Variants in MAPKAP1 observed in about 807,000 individuals in gnomAD.
The protein encoded by MAPKAP1 is MAPK associated protein 1.
Under a neutral mutation model 65.7 loss-of-function variants are expected in MAPKAP1, and 20 were observed. That is an observed-to-expected ratio of 0.30 (90% confidence interval 0.21 to 0.44). The LOEUF is 0.44. MAPKAP1 is among the 20% of genes least tolerant of loss of function. MAPKAP1 has a pLI of 1.00. For missense variants in MAPKAP1, 423 were observed against 648.0 expected, an observed-to-expected ratio of 0.65 and a Z score of 3.77; for synonymous variants, 222 against 244.3, an observed-to-expected ratio of 0.91 and a Z score of 0.85.
intron 7 of MAPKAP1, among the ~76,000 whole-genome samples, chr9:125,520,176 A>G (rs190689429): frequency 6.6e-6 from 1 of 152,316 alleles, no homozygotes; most frequent in East Asian, 1.9e-4. Context: ...ATGGGCATCT[A>G]TATCTTAGAG....
Position 125,468,125 on chromosome 9 carries a change from A to G in MAPKAP1, c.1208-16T>C, listed in dbSNP as rs779081129. Reference sequence around the variant, plus strand: ...CCAGAGATACCTGTAAGCCAAGGTGAGGACACAAAAGAAAACACAAGAAGT... The same window carrying G: ...CCAGAGATACCTGTAAGCCAAGGTGGGGACACAAAAGAAAACACAAGAAGT... On this transcript the variant is annotated splice_polypyrimidine_tract_variant and intron_variant, in intron 9 of 11. Coordinates refer to ENST00000265960, the MANE Select transcript of MAPKAP1 (RefSeq NM_001006617.3). The G allele has an allele frequency of 1.2e-6, 2 of 1,611,492 alleles. No individual in the cohort carries two copies. The highest frequency in any genetic ancestry group is 2.2e-5 in the South Asian group (2 of 90,936).
chr9:125,451,023 A>C (rs1852927093), intron 10 of MAPKAP1: 1 of 151,998 alleles, frequency 6.6e-6, no homozygotes, highest in African/African-American at 2.4e-5. Flanking sequence ...GACCTCTTTG[A>C]CCTCTAGAGC....
chr9:125,549,464 T>C (rs1326855297), intron 6 of MAPKAP1, among the ~76,000 whole-genome samples: 1 of 152,262 alleles, frequency 6.6e-6, no homozygotes, highest in Non-Finnish European at 1.5e-5. Flanking sequence ...ACTTTATCCA[T>C]AAAGAGTTTA....
intron 6 of MAPKAP1, 161 bp downstream of exon 6, chr9:125,559,471 AT>A: frequency 1.6e-6 from 1 of 618,004 alleles, no homozygotes; most frequent in Non-Finnish European, 2.8e-6. Context: ...ATGAAATACA[AT>A]GCGAATGTCG....
chr9:125,645,644 G>T (rs1467431405), intron 4 of MAPKAP1, among the ~76,000 whole-genome samples: 1 of 147,616 alleles, frequency 6.8e-6, no homozygotes, highest in Non-Finnish European at 1.5e-5. Context: ...GGCTGAGGCA[G>T]AAGAATCACT....
At chr9:125,635,286 C>T (rs540835929) in intron 4 of MAPKAP1, among the ~76,000 whole-genome samples, 42 of 152,314 alleles carry the variant, frequency 2.8e-4, no homozygotes, top group African/African-American at 1.0e-3. Context: ...GTGGCACAAG[C>T]CCCTTTTCAG....
intron 10 of MAPKAP1, among the ~76,000 whole-genome samples, chr9:125,465,226 G>A (rs1853630758): frequency 6.6e-6 from 1 of 152,110 alleles, no homozygotes; most frequent in African/African-American, 2.4e-5. Flanking sequence ...ATTCAAGAAG[G>A]CCCCAAGAAC....
At chr9:125,667,368 G>GA (rs914926537) in intron 3 of MAPKAP1, among the ~76,000 whole-genome samples, 4 of 152,208 alleles carry the variant, frequency 2.6e-5, no homozygotes, top group Non-Finnish European at 4.4e-5. Flanking sequence ...TGCCCAGACT[G>GA]AAGTGCACTG....
intron 4 of MAPKAP1, among the ~76,000 whole-genome samples, chr9:125,634,629 C>T (rs528667467): frequency 6.6e-6 from 1 of 152,240 alleles, no homozygotes; most frequent in Non-Finnish European, 1.5e-5. Flanking sequence ...CTTAACGAAC[C>T]CATTTTCTGT....
intron 6 of MAPKAP1, among the ~76,000 whole-genome samples, chr9:125,548,256 A>G (rs983340543): frequency 1.3e-5 from 2 of 152,246 alleles, no homozygotes; most frequent in Non-Finnish European, 2.9e-5. Context: ...GGAGAGAAAG[A>G]TAAGAAGTCA....
At position 125,439,970 on chromosome 9, in the gene MAPKAP1, T is replaced by C. The variant is rs982028345; in HGVS notation, c.1444-958A>G. ...GCTTTTGAGGGATACACAGGAGTTT[T>C]TGAGTGCGCAACGGGGAGGAGAGAC... On this transcript the variant is annotated intron_variant, in intron 11 of 11. Coordinates refer to ENST00000265960, the MANE Select transcript of MAPKAP1 (RefSeq NM_001006617.3). This position sits in a 1 kb window ranked among gnomAD's most constrained non-coding sequence, Gnocchi z 4.0. 1.3e-5 allele frequency among the ~76,000 whole-genome samples: 2 copies of C among 152,146 alleles called. No homozygotes were observed. Among genetic ancestry groups the C allele is most frequent in the African/African-American group, 2.4e-5 (1 of 41,434 alleles).
chr9:125,439,312 C>T lies in MAPKAP1; in HGVS notation c.1444-300G>A, dbSNP rs1042280873. Among the ~76,000 whole-genome samples, 11 of 152,270 alleles carry T rather than the reference C, an allele frequency of 7.2e-5. No homozygotes were observed. Among genetic ancestry groups the T allele is most frequent in the African/African-American group, 2.4e-4 (10 of 41,478 alleles). On this transcript the variant is annotated intron_variant, in intron 11 of 11. Transcript: ENST00000265960. This position sits in a 1 kb window ranked among gnomAD's most constrained non-coding sequence, Gnocchi z 4.0. ...GCTCCCTCCTGGCGTGAGCCACTCC[C>T]GGAAGGCTGTGCCCTGGGCTGCCTG...
rs999018079 is a variant in MAPKAP1, at chr9:125,500,395, G to A, written c.1066+5915C>T. Among the ~76,000 whole-genome samples the A allele has an allele frequency of 5.4e-5, 8 of 149,460 alleles. No homozygotes were observed. The East Asian group carries it at 5.9e-4, about 11-fold the overall frequency. Reference sequence around the variant, plus strand: ...TTTTTAGTAGAGATGGGGTTTCACCGTGTTAGCCAGGATGGTCTCGATCTC... The same window carrying A: ...TTTTTAGTAGAGATGGGGTTTCACCATGTTAGCCAGGATGGTCTCGATCTC... On this transcript the variant is annotated intron_variant, in intron 8 of 11. Coordinates refer to ENST00000265960, the MANE Select transcript of MAPKAP1 (RefSeq NM_001006617.3).
Position 125,707,023 on chromosome 9 carries a change from G to C in MAPKAP1, c.-122C>G, listed in dbSNP as rs971603056. The C allele has an allele frequency of 7.6e-6, 3 of 397,292 alleles. No homozygotes were observed. The Admixed American group carries it at 1.3e-4, about 18-fold the overall frequency. 24.6% of individuals were successfully genotyped at this position (397,292 alleles called of 1,614,324 possible). Reference sequence around the variant, plus strand: ...GGTCGGCCCCGGGACACGTTCCTGAGGGGAGGGCCCGGCTCCCCCACGCCT... The same window carrying C: ...GGTCGGCCCCGGGACACGTTCCTGACGGGAGGGCCCGGCTCCCCCACGCCT... On this transcript the variant is annotated 5_prime_UTR_variant, in exon 1 of 12. Transcript: ENST00000265960.
chr9:125,532,757 A>G (rs148063144), intron 7 of MAPKAP1, among the ~76,000 whole-genome samples: 72 of 152,352 alleles, frequency 4.7e-4, no homozygotes, highest in Middle Eastern at 3.4e-3. Flanking sequence ...CTGCTGCCCC[A>G]AAATAAACCG....
chr9:125,458,104 ATAT>A (rs1464283192), intron 10 of MAPKAP1, among the ~76,000 whole-genome samples: 1 of 152,074 alleles, frequency 6.6e-6, no homozygotes, highest in Non-Finnish European at 1.5e-5. Flanking sequence ...CCTGAACTGC[ATAT>A]TTTCTAATGT....
At chr9:125,479,919 G>A (rs975764665) in intron 9 of MAPKAP1, among the ~76,000 whole-genome samples, 1 of 152,232 alleles carries the variant, frequency 6.6e-6, no homozygotes, top group Non-Finnish European at 1.5e-5. Flanking sequence ...ACAGGTGGAG[G>A]TGACCATCCA....
intron 5 of MAPKAP1, among the ~76,000 whole-genome samples, chr9:125,581,547 A>C (rs1164498361): frequency 1.3e-5 from 2 of 152,146 alleles, no homozygotes; most frequent in Non-Finnish European, 2.9e-5. Flanking sequence ...TAAACTTTCT[A>C]CTGTTGGGTT....
At chr9:125,518,049 A>G (rs994134377) in intron 7 of MAPKAP1, among the ~76,000 whole-genome samples, 2 of 152,222 alleles carry the variant, frequency 1.3e-5, no homozygotes, top group Non-Finnish European at 2.9e-5. Context: ...GTTAAATAGA[A>G]TGCCTTCCAC....
Sources: gnomAD v4.1 joint callset for allele counts (sites outside exome capture counted in the v4.1 genomes callset) on GRCh38, gnomAD v4.1.1 for gene constraint, Gnocchi (gnomAD v3.1) non-coding constraint, MANE v1.5 for transcripts, NCBI Gene and HGNC (gene_info 2026-07-23, HGNC 2026-07-21) for gene names.